Variants in PTPRT observed in about 807,000 individuals in gnomAD.
The protein encoded by PTPRT is receptor-type tyrosine-protein phosphatase T.
PTPRT carries 56 observed loss-of-function variants against 176.8 expected under a neutral mutation model. The ratio of observed to expected loss-of-function variants is 0.32; its 90% CI spans 0.26 to 0.40. The LOEUF (loss-of-function observed/expected upper bound fraction) is 0.40. PTPRT is among the 10% of genes least tolerant of loss of function. PTPRT has a pLI of 1.00. For synonymous variants in PTPRT, 783 were observed against 739.0 expected (o/e 1.06, Z -0.96); for missense variants, 1,540 against 1,908.2 (o/e 0.81, Z 3.60).
intron 7 of PTPRT, among the ~76,000 whole-genome samples, chr20:42,591,607 T>C (rs576565991): frequency 1.3e-5 from 2 of 152,126 alleles, no homozygotes; most frequent in Non-Finnish European, 2.9e-5. Flanking sequence ...ACCTCATTCC[T>C]GGAAAAAACA....
At chr20:42,247,770 A>G (rs2056479897) in intron 14 of PTPRT, among the ~76,000 whole-genome samples, 1 of 152,138 alleles carries the variant, frequency 6.6e-6, no homozygotes, top group Non-Finnish European at 1.5e-5. Context: ...TGAAACTGAG[A>G]AGACGTGGAG....
chr20:42,460,879 T>C (rs1238027701), intron 8 of PTPRT, among the ~76,000 whole-genome samples: 1 of 152,178 alleles, frequency 6.6e-6, no homozygotes, highest in Admixed American at 6.5e-5. Flanking sequence ...TTTATAGCAG[T>C]ATGAAAATGG....
At chr20:42,931,685 G>A (rs1040763409) in intron 1 of PTPRT, among the ~76,000 whole-genome samples, 5 of 152,228 alleles carry the variant, frequency 3.3e-5, no homozygotes, top group Non-Finnish European at 7.3e-5. Context: ...ACATGCCGCT[G>A]CAAGATCTTC....
the PTPRT span, among the ~76,000 whole-genome samples, chr20:42,059,752 GCAT>G: frequency 6.6e-6 from 1 of 152,144 alleles, no homozygotes; most frequent in Admixed American, 6.6e-5. Context: ...AAGTAATTAA[GCAT>G]TTTCAAACTG....
At chr20:42,878,827 G>A (rs2078972023) in intron 2 of PTPRT, among the ~76,000 whole-genome samples, 1 of 152,134 alleles carries the variant, frequency 6.6e-6, no homozygotes, top group South Asian at 2.1e-4. Context: ...AGGAGATTGA[G>A]ACCATCCTGG....
chr20:43,051,241 G>C (rs1161904885), intron 1 of PTPRT, among the ~76,000 whole-genome samples: 1 of 152,076 alleles, frequency 6.6e-6, no homozygotes, highest in East Asian at 1.9e-4. Context: ...CCCTTCTTTT[G>C]CTAACTCCAG....
Position 43,046,075 on chromosome 20 carries a change from G to A in PTPRT, c.88+143571C>T, listed in dbSNP as rs533954939. On this transcript the variant is annotated intron_variant, in intron 1 of 30. Coordinates refer to ENST00000373187, the MANE Select transcript of PTPRT (RefSeq NM_007050.6). ...TAGGGGTAGAATCATGCAGCATCTC[G>A]CAGGCCACACTAAGATTTTATTGCA... Among the ~76,000 whole-genome samples the A allele has an allele frequency of 2.0e-4, 31 of 152,226 alleles. No individual in the cohort carries two copies. In the East Asian group the frequency reaches 2.3e-3, roughly 11 times the overall value.
intron 9 of PTPRT, among the ~76,000 whole-genome samples, chr20:42,356,875 C>A (rs1249038043): frequency 2.0e-5 from 3 of 152,178 alleles, no homozygotes; most frequent in Non-Finnish European, 4.4e-5. Context: ...GAGCCATGGT[C>A]TTTTCTGCCA....
chr20:42,658,939 G>A (rs2075173546), intron 7 of PTPRT, among the ~76,000 whole-genome samples: 1 of 152,084 alleles, frequency 6.6e-6, no homozygotes, highest in South Asian at 2.1e-4. Flanking sequence ...TTTGTCCAGG[G>A]AGATATATCT....
At chr20:42,371,121 T>C (rs6072705) in intron 9 of PTPRT, among the ~76,000 whole-genome samples, 29,375 of 152,172 alleles carry the variant, frequency 0.19, 3,613 homozygotes, top group East Asian at 0.4. Context: ...TTGTTCACAC[T>C]ATAACAATGG....
chr20:42,716,709 T>C (rs2033584644), intron 6 of PTPRT, among the ~76,000 whole-genome samples: 1 of 152,124 alleles, frequency 6.6e-6, no homozygotes, highest in Admixed American at 6.5e-5. Flanking sequence ...GGATTATAAA[T>C]CATGCTGCTA....
chr20:42,813,996 A>T (rs2077740184), intron 2 of PTPRT, among the ~76,000 whole-genome samples: 1 of 151,930 alleles, frequency 6.6e-6, no homozygotes. Context: ...GCCCCAAGCC[A>T]TTTTTTCTTA....
chr20:42,923,408 C>A (rs530475754), intron 1 of PTPRT, among the ~76,000 whole-genome samples: 1 of 152,326 alleles, frequency 6.6e-6, no homozygotes, highest in South Asian at 2.1e-4. Flanking sequence ...AGCCAAATGG[C>A]CACAAAGTAC....
At chr20:42,415,362 T>TTTTGTTTGTTTG (rs10622657) in intron 9 of PTPRT, among the ~76,000 whole-genome samples, 2 of 149,782 alleles carry the variant, frequency 1.3e-5, no homozygotes, top group South Asian at 2.1e-4. Flanking sequence ...TTTTTGTCTT[T>TTTTGTTTGTTTG]TTTGTTTGTT....
chr20:42,282,341 G>A lies in PTPRT; in HGVS notation c.2176+148C>T, dbSNP rs184560463. On this transcript the variant is annotated intron_variant, in intron 13 of 30. Coordinates refer to ENST00000373187, the MANE Select transcript of PTPRT (RefSeq NM_007050.6). ...GTGCTACTAATATACACCCTAGAAT[G>A]TATGTTCTAGATGCAAATGACTCCG... The A allele has an allele frequency of 2.5e-4, 186 of 735,524 alleles. 4 individuals are homozygous for A. In the East Asian group the frequency reaches 5.0e-3, roughly 20 times the overall value. The allele number at this position is 735,524 out of a possible 1,614,324, so 45.6% of individuals were successfully genotyped here. A position where few individuals can be genotyped will look rare whatever the true frequency, so the allele number is the denominator to read the frequency against.
chr20:42,473,511 T>C (rs955501766), intron 7 of PTPRT, among the ~76,000 whole-genome samples: 5 of 152,182 alleles, frequency 3.3e-5, no homozygotes, highest in African/African-American at 1.2e-4. Flanking sequence ...AGTCTGACTC[T>C]CTATCCTAGG....
At chr20:42,757,040 G>T (rs568051730) in intron 5 of PTPRT, among the ~76,000 whole-genome samples, 5 of 143,786 alleles carry the variant, frequency 3.5e-5, no homozygotes, top group Admixed American at 3.5e-4. Context: ...ACAGAGGAAG[G>T]CCCTGCCTCT....
intron 1 of PTPRT, among the ~76,000 whole-genome samples, chr20:43,002,049 C>T (rs559834004): frequency 1.7e-3 from 260 of 152,228 alleles, no homozygotes; most frequent in Admixed American, 5.4e-3. Context: ...TTCCCCCACG[C>T]GGTTCTCGTG....
intron 7 of PTPRT, among the ~76,000 whole-genome samples, chr20:42,487,400 C>G (rs2145357189): frequency 6.6e-6 from 1 of 152,272 alleles, no homozygotes; most frequent in East Asian, 1.9e-4. Flanking sequence ...AATCAAAACT[C>G]TACAGTAGGC....
Sources: gnomAD v4.1 joint callset for allele counts (sites outside exome capture counted in the v4.1 genomes callset) on GRCh38, gnomAD v4.1.1 for gene constraint, MANE v1.5 for transcripts, NCBI Gene and HGNC (gene_info 2026-07-23, HGNC 2026-07-21) for gene names.